The following GOLM2 variants were observed in gnomAD, a reference collection of about 807,000 sequenced individuals.
The protein encoded by GOLM2 is protein GOLM2.
Under a neutral mutation model 55.9 loss-of-function variants are expected in GOLM2, and 26 were observed. The observed-to-expected ratio is 0.47, with a 90% confidence interval of 0.34 to 0.65. The LOEUF is 0.65. GOLM2 is among the 30% of genes least tolerant of loss of function. GOLM2 has a pLI of 0.01. For missense variants in GOLM2, 486 were observed against 531.8 expected (o/e 0.91, Z 0.85); for synonymous variants, 165 against 194.6 (o/e 0.85, Z 1.27).
chr15:44,289,489 C>T lies in GOLM2; in HGVS notation c.327+133C>T. The T allele has an allele frequency of 1.3e-6, 1 of 795,426 alleles. No homozygotes were observed. The highest frequency in any genetic ancestry group is 2.0e-6 in the Non-Finnish European group (1 of 511,392). 49.3% of individuals were successfully genotyped at this position (795,426 alleles called of 1,614,324 possible). On this transcript the variant is annotated intron_variant, in intron 1 of 9. Transcript: ENST00000299957. The surrounding 1 kb of genome is among the most constrained non-coding windows in gnomAD (Gnocchi z 4.8). ...TCCTGAAGGCTCCTTTCACCCCCAA[C>T]AACCCTGTTTCTGTCAGACTTTTCC...
At chr15:44,332,506 G>A (rs1391043083) in intron 4 of GOLM2, among the ~76,000 whole-genome samples, 1 of 150,640 alleles carries the variant, frequency 6.6e-6, no homozygotes, top group African/African-American at 2.5e-5. Context: ...GTTACAATGA[G>A]CCAAGATCAC....
chr15:44,299,896 A>G (rs1012005904), intron 1 of GOLM2, among the ~76,000 whole-genome samples: 2 of 132,494 alleles, frequency 1.5e-5, no homozygotes, highest in Admixed American at 9.0e-5. Flanking sequence ...ATGTGAGGCC[A>G]GGAGGTTGAG....
chr15:44,300,039 G>T (rs1318282827), intron 1 of GOLM2, among the ~76,000 whole-genome samples: 2 of 151,312 alleles, frequency 1.3e-5, no homozygotes, highest in Non-Finnish European at 2.9e-5. Flanking sequence ...GTTTGAAGCT[G>T]CAGGGAGCTA....
chr15:44,351,120 G>T (rs1456864117), intron 6 of GOLM2, among the ~76,000 whole-genome samples: 4 of 151,992 alleles, frequency 2.6e-5, no homozygotes, highest in Non-Finnish European at 5.9e-5. Flanking sequence ...ACTGTTATTT[G>T]ACCTAGACTT....
rs1320005624 is a variant in GOLM2, at chr15:44,351,594, AAAAACAC to A, written c.802+13279_802+13285del. Among the ~76,000 whole-genome samples, 249 of 150,094 alleles carry A rather than the reference AAAAACAC, an allele frequency of 1.7e-3. 1 individual carries two copies. Among genetic ancestry groups the A allele is most frequent in the African/African-American group, 6.0e-3 (242 of 40,258 alleles). On this transcript the variant is annotated intron_variant, in intron 6 of 9. Transcript: ENST00000299957. ...TCTGTCTCAAAAAAAAAAAAAAAAA[AAAAACAC>A]AGACAAACAAAGAACATCAAAATCG... is the stretch of plus-strand genomic sequence containing the variant.
At chr15:44,294,255 G>T (rs12594139) in intron 1 of GOLM2, among the ~76,000 whole-genome samples, 7,890 of 152,134 alleles carry the variant, frequency 0.052, 327 homozygotes, top group East Asian at 0.19. Flanking sequence ...AGGAACCTTG[G>T]TTCCTTTTAT....
intron 1 of GOLM2, among the ~76,000 whole-genome samples, chr15:44,290,065 CATT>C (rs2078709356): frequency 6.6e-6 from 1 of 152,148 alleles, no homozygotes; most frequent in African/African-American, 2.4e-5. Context: ...TCAGTGTCTT[CATT>C]GAAAGAAAAT....
chr15:44,321,054 T>C (rs1032909904), intron 1 of GOLM2, among the ~76,000 whole-genome samples: 2 of 152,224 alleles, frequency 1.3e-5, no homozygotes, highest in Admixed American at 6.5e-5. Context: ...GTAATTATAC[T>C]GCTTTAGATG....
Position 44,289,739 on chromosome 15 carries a change from A to C in GOLM2, c.327+383A>C, listed in dbSNP as rs1451001263. On this transcript the variant is annotated intron_variant, in intron 1 of 9. Coordinates refer to ENST00000299957, the MANE Select transcript of GOLM2 (RefSeq NM_138423.4). This position sits in a 1 kb window ranked among gnomAD's most constrained non-coding sequence, Gnocchi z 4.8. ...ATTGTCTCATTTTTATTCCGTGCAC[A>C]CTGATCAATATTAATTTCGTTATTT... Among the ~76,000 whole-genome samples the C allele has an allele frequency of 6.6e-6, 1 of 152,164 alleles. No individual in the cohort carries two copies. The highest frequency in any genetic ancestry group is 2.1e-4 in the South Asian group (1 of 4,824).
intron 9 of GOLM2, among the ~76,000 whole-genome samples, chr15:44,407,529 G>A (rs1265025327): frequency 6.6e-6 from 1 of 151,644 alleles, no homozygotes; most frequent in Admixed American, 6.6e-5. Flanking sequence ...GGCCACCTCG[G>A]TCTCCCAAAG....
At chr15:44,298,223 G>C (rs1188691147) in intron 1 of GOLM2, among the ~76,000 whole-genome samples, 1 of 150,862 alleles carries the variant, frequency 6.6e-6, no homozygotes, top group East Asian at 2.0e-4. Context: ...GAAGCCCCCT[G>C]GGACTTCTGA....
intron 3 of GOLM2, 105 bp from the exon 4 acceptor site, chr15:44,331,883 T>G: frequency 1.3e-6 from 1 of 764,392 alleles, no homozygotes; most frequent in Non-Finnish European, 2.3e-6. Context: ...CACTCTCCCC[T>G]GCTAACTGAG....
intron 6 of GOLM2, among the ~76,000 whole-genome samples, chr15:44,368,590 T>C (rs1375398629): frequency 6.6e-6 from 1 of 152,044 alleles, no homozygotes; most frequent in Non-Finnish European, 1.5e-5. Context: ...TATATTTCAC[T>C]TTAGATGTCG....
At chr15:44,342,261 T>G in intron 6 of GOLM2, among the ~76,000 whole-genome samples, 1 of 152,012 alleles carries the variant, frequency 6.6e-6, no homozygotes, top group East Asian at 1.9e-4. Context: ...TTTACTTTTA[T>G]TTTTATTTAT....
At chr15:44,353,373 TTCCAC>T (rs2079177304) in intron 6 of GOLM2, among the ~76,000 whole-genome samples, 1 of 152,212 alleles carries the variant, frequency 6.6e-6, no homozygotes, top group African/African-American at 2.4e-5. Flanking sequence ...GATCTAGCCA[TTCCAC>T]TGCTAGGTAT....
intron 1 of GOLM2, among the ~76,000 whole-genome samples, chr15:44,310,366 G>A (rs903421986): frequency 2.0e-5 from 3 of 151,562 alleles, no homozygotes; most frequent in South Asian, 2.1e-4. Context: ...GAAAGGCTGG[G>A]AGGCCAAGGC....
intron 3 of GOLM2, among the ~76,000 whole-genome samples, chr15:44,330,378 A>C (rs1265123860): frequency 6.6e-6 from 1 of 151,286 alleles, no homozygotes; most frequent in Admixed American, 6.6e-5. Context: ...GCTGGGCCTG[A>C]TGGTGCATGC....
Position 44,337,853 on chromosome 15 carries a change from A to G in GOLM2, c.667A>G (p.Asn223Asp). Residue 223 changes from asparagine (N) to aspartate (D), a missense_variant, in exon 5 of 10, where the codon AAT becomes GAT. Transcript: ENST00000299957. ...VPKNIPKVAENVADKNEEPSS... is the reference protein window; with the variant it reads ...VPKNIPKVAEDVADKNEEPSS... ...TAAAAATATTCCAAAAGTAGCTGAGAATGTTGCAGATAAGAATGAAGAACC... is the reference window on the plus strand; with the variant it reads ...TAAAAATATTCCAAAAGTAGCTGAGGATGTTGCAGATAAGAATGAAGAACC... 1 of 1,605,688 alleles carries G rather than the reference A, an allele frequency of 6.2e-7. No individual in the cohort carries two copies. The highest frequency in any genetic ancestry group is 1.1e-5 in the South Asian group (1 of 88,718).
At chr15:44,379,627 T>G in intron 6 of GOLM2, 63 bp from the exon 7 acceptor site, 1 of 677,782 alleles carries the variant, frequency 1.5e-6, no homozygotes, top group Non-Finnish European at 2.4e-6. Flanking sequence ...GGTTTTTTTT[T>G]TTTTTTTTTT....
Sources: allele counts gnomAD v4.1 joint callset (sites outside exome capture counted in the v4.1 genomes callset), GRCh38; gene constraint gnomAD v4.1.1; non-coding constraint Gnocchi (gnomAD v3.1); transcripts MANE v1.5; gene names NCBI Gene and HGNC (gene_info 2026-07-23, HGNC 2026-07-21).